Variants in CMBL observed in about 807,000 individuals in gnomAD.
CMBL encodes carboxymethylenebutenolidase homolog.
CMBL carries 17 observed loss-of-function variants against 28.7 expected under a neutral mutation model. That is an observed-to-expected ratio of 0.59 (90% CI 0.41 to 0.89). CMBL has a LOEUF of 0.89. Ranked by LOEUF, CMBL falls within the 40% of genes least tolerant of loss-of-function variation. CMBL has a pLI of 0.00. For missense variants in CMBL, 310 were observed against 298.5 expected, an observed-to-expected ratio of 1.04 and a Z score of -0.28; for synonymous variants, 106 against 101.6, an observed-to-expected ratio of 1.04 and a Z score of -0.26.
chr5:10,285,474 T>A (rs762490482), intron 4 of CMBL, among the ~76,000 whole-genome samples: 11 of 151,844 alleles, frequency 7.2e-5, no homozygotes, highest in Middle Eastern at 6.8e-3. Context: ...GCCTTAAAAT[T>A]TTTTATAGAG....
At chr5:10,300,747 C>G (rs944299849) in intron 1 of CMBL, among the ~76,000 whole-genome samples, 1 of 151,728 alleles carries the variant, frequency 6.6e-6, no homozygotes, top group Non-Finnish European at 1.5e-5. Flanking sequence ...CTGCAGTAAG[C>G]TATGATCATG....
rs115891820 is a variant in CMBL at position 10,286,609 on chromosome 5, T to A, written c.324-113A>T. 5.2e-3 allele frequency: 5,067 copies of A among 969,706 alleles called. 167 individuals are homozygous for A. In the African/African-American group the frequency reaches 0.07, roughly 13 times the overall value. The allele number at this position is 969,706 out of a possible 1,614,324, so 60.1% of individuals were successfully genotyped here. On this transcript the variant is annotated intron_variant, in intron 3 of 5. Coordinates refer to ENST00000296658, the MANE Select transcript of CMBL (RefSeq NM_138809.4). ...GCAACTGTTTTTGAAGTTGCCAAGG[T>A]TTCTTCTTTTGGGAGCTCCACCCTT... is the stretch of plus-strand genomic sequence containing the variant.
At chr5:10,287,314 C>T (rs115499887) in intron 3 of CMBL, among the ~76,000 whole-genome samples, 3,210 of 152,220 alleles carry the variant, frequency 0.021, 109 homozygotes, top group African/African-American at 0.071. Context: ...TAAGAAAGAA[C>T]AAAATAATAT....
rs547633809 is a variant in CMBL at position 10,304,499 on chromosome 5, C to T, written c.-20+3126G>A. Among the ~76,000 whole-genome samples the T allele has an allele frequency of 9.2e-5, 14 of 152,310 alleles. No homozygotes were observed. The East Asian group carries it at 1.7e-3, about 19-fold the overall frequency. On this transcript the variant is annotated intron_variant, in intron 1 of 5. Coordinates refer to ENST00000296658, the MANE Select transcript of CMBL (RefSeq NM_138809.4). Reference sequence around the variant, plus strand: ...CTTCCCACACTGGAAGGGTCTGTTTCCAGCTTCTGGCCAGAGACTACACTT... The same window carrying T: ...CTTCCCACACTGGAAGGGTCTGTTTTCAGCTTCTGGCCAGAGACTACACTT...
At chr5:10,283,482 A>T (rs764764296) in intron 4 of CMBL, among the ~76,000 whole-genome samples, 1 of 152,170 alleles carries the variant, frequency 6.6e-6, no homozygotes, top group African/African-American at 2.4e-5. Context: ...GTCAGTCTAT[A>T]AAAATCAGTT....
intron 3 of CMBL, 45 bp downstream of exon 3, chr5:10,288,377 C>A (rs1353403647): frequency 7.0e-7 from 1 of 1,435,468 alleles, no homozygotes; most frequent in Non-Finnish European, 9.8e-7. Flanking sequence ...GCTCTCACCT[C>A]CCTGGGCCAC....
At chr5:10,301,347 G>A (rs1349060851) in intron 1 of CMBL, among the ~76,000 whole-genome samples, 1 of 152,100 alleles carries the variant, frequency 6.6e-6, no homozygotes, top group East Asian at 1.9e-4. Flanking sequence ...TTCTTGGTTT[G>A]GTTTTCATAA....
chr5:10,286,313 C>T (rs1746602795), intron 4 of CMBL, 41 bp downstream of exon 4: 1 of 1,588,848 alleles, frequency 6.3e-7, no homozygotes, highest in Non-Finnish European at 8.6e-7. Flanking sequence ...TCTTCCACCC[C>T]TCCCTTCTGC....
chr5:10,300,041 C>G (rs1011121272), intron 1 of CMBL, among the ~76,000 whole-genome samples: 1 of 152,146 alleles, frequency 6.6e-6, no homozygotes, highest in Admixed American at 6.5e-5. Context: ...TAAGTCCTAT[C>G]CCCCACTCCC....
intron 1 of CMBL, among the ~76,000 whole-genome samples, chr5:10,298,209 C>T (rs1746841181): frequency 6.6e-6 from 1 of 152,054 alleles, no homozygotes; most frequent in Admixed American, 6.6e-5. Context: ...AACAAATCAC[C>T]ATGGATCCCC....
rs1422841018 is a variant in CMBL, at chr5:10,278,629, T to C, written c.*1824A>G. ...ATGTGTCCTGAATGGCTCCCCCTTTTTGCTGGCCCTGTGAAGCGTGCTGCC... is the reference window on the plus strand; with the variant it reads ...ATGTGTCCTGAATGGCTCCCCCTTTCTGCTGGCCCTGTGAAGCGTGCTGCC... On this transcript the variant is annotated 3_prime_UTR_variant, in exon 6 of 6. Transcript: ENST00000296658. Among the ~76,000 whole-genome samples the C allele has an allele frequency of 6.6e-6, 1 of 152,124 alleles. No homozygotes were observed. Among genetic ancestry groups the C allele is most frequent in the Admixed American group, 6.6e-5 (1 of 15,260 alleles).
chr5:10,297,665 C>A (rs1746832097), intron 1 of CMBL, among the ~76,000 whole-genome samples: 3 of 151,170 alleles, frequency 2.0e-5, no homozygotes, highest in African/African-American at 7.3e-5. Context: ...GAAATCTCAG[C>A]CTATTTGTAC....
intron 3 of CMBL, among the ~76,000 whole-genome samples, chr5:10,287,703 T>C (rs1746628970): frequency 6.6e-6 from 1 of 151,798 alleles, no homozygotes; most frequent in African/African-American, 2.4e-5. Flanking sequence ...TTTAAAATTT[T>C]TAATTAATTA....
rs1747026960 is a variant in CMBL, at chr5:10,307,828, G to A, written c.-223C>T. 6.6e-6 allele frequency: 1 copy of A among 151,730 alleles called. No homozygotes were observed. The highest frequency in any genetic ancestry group is 1.5e-5 in the Non-Finnish European group (1 of 68,006). 9.4% of individuals were successfully genotyped at this position (151,730 alleles called of 1,614,324 possible). A position where few individuals can be genotyped will look rare whatever the true frequency, so the allele number is the denominator to read the frequency against. ...AGAGGTGGAGGAGGGAGGCCTGGGG[G>A]AAGAGAAATCTGCAAAGTCGGGGAA... On this transcript the variant is annotated 5_prime_UTR_variant, in exon 1 of 6. Transcript: ENST00000296658.
chr5:10,286,596 G>A (rs557128485), intron 3 of CMBL, 100 bp from the exon 4 acceptor site: 20 of 1,121,836 alleles, frequency 1.8e-5, no homozygotes, highest in Middle Eastern at 2.2e-4. Flanking sequence ...AACTGTTTTT[G>A]AAGTTGCCAA....
intron 2 of CMBL, 195 bp downstream of exon 2, chr5:10,290,353 G>T: frequency 3.4e-6 from 2 of 596,094 alleles, no homozygotes; most frequent in Non-Finnish European, 5.9e-6. Flanking sequence ...CCAGGAATGG[G>T]GTTAGGAGCA....
At chr5:10,284,961 A>G (rs1416556082) in intron 4 of CMBL, among the ~76,000 whole-genome samples, 2 of 150,102 alleles carry the variant, frequency 1.3e-5, no homozygotes, top group Non-Finnish European at 3.0e-5. Flanking sequence ...TGCTATTTCG[A>G]TTTTAGAGTG....
chr5:10,290,220 T>G (rs138640315), intron 2 of CMBL, among the ~76,000 whole-genome samples: 35 of 152,288 alleles, frequency 2.3e-4, no homozygotes, highest in African/African-American at 7.9e-4. Context: ...CGGGTCCATT[T>G]GACAGCAGGT....
rs138053296 is a variant in CMBL, at chr5:10,286,117, G to A, written c.466+237C>T. 5.9e-4 allele frequency: 243 copies of A among 410,414 alleles called. 2 individuals carry two copies. The East Asian group carries it at 8.1e-3, about 14-fold the overall frequency. 25.4% of individuals were successfully genotyped at this position (410,414 alleles called of 1,614,324 possible). A position where few individuals can be genotyped will look rare whatever the true frequency, so the allele number is the denominator to read the frequency against. ...AAGAAATGGAGAATTTAGATTAGGT[G>A]GCTTTCCCAAAGTCACACCACTGGG... On this transcript the variant is annotated intron_variant, in intron 4 of 5. Transcript: ENST00000296658.
Sources: allele counts gnomAD v4.1 joint callset (sites outside exome capture counted in the v4.1 genomes callset), GRCh38; gene constraint gnomAD v4.1.1; transcripts MANE v1.5; gene names NCBI Gene and HGNC (gene_info 2026-07-23, HGNC 2026-07-21).